ZFYVE9: variants seen among roughly 807,000 people sequenced by gnomAD.
The protein encoded by ZFYVE9 is zinc finger FYVE-type containing 9, also known as zinc finger FYVE domain-containing protein 9.
ZFYVE9 carries 43 observed loss-of-function variants against 126.7 expected under a neutral mutation model. The ratio of observed to expected loss-of-function variants is 0.34; its 90% CI spans 0.27 to 0.44. The LOEUF is 0.44. Ranked by LOEUF, ZFYVE9 falls within the 20% of genes least tolerant of loss-of-function variation. The pLI, the probability that ZFYVE9 is intolerant of heterozygous loss-of-function variation, is 1.00. For synonymous variants in ZFYVE9, 521 were observed against 597.4 expected (o/e 0.87, Z 1.87); for missense variants, 1,476 against 1,697.0 (o/e 0.87, Z 2.29).
In ZFYVE9 at chr1:52,247,275, C is replaced by T. The variant is rs560126268; in HGVS notation, c.2178+7680C>T. ...CACATGTAGCTAGAAAATGTTTGCA[C>T]TAAGTTCATGCTATTTTTTGTTTTT... is the stretch of plus-strand genomic sequence containing the variant. On this transcript the variant is annotated intron_variant, in intron 4 of 18. Transcript: ENST00000287727. Among the ~76,000 whole-genome samples, 5 of 152,250 alleles carry T rather than the reference C, an allele frequency of 3.3e-5. No homozygotes were observed. In the South Asian group the frequency reaches 1.0e-3, roughly 32 times the overall value.
At chr1:52,163,039 C>T (rs1313441907) in intron 1 of ZFYVE9, 1 of 222,648 alleles carries the variant, frequency 4.5e-6, no homozygotes, top group African/African-American at 2.3e-5. Flanking sequence ...CTACTTCACT[C>T]TTGCTTTCTA....
At chr1:52,224,237 C>T (rs761237713) in intron 2 of ZFYVE9, among the ~76,000 whole-genome samples, 9 of 151,172 alleles carry the variant, frequency 6.0e-5, no homozygotes, top group East Asian at 2.0e-4. Flanking sequence ...GGCTGTCCAG[C>T]GGGGATGTGG....
Position 52,237,772 on chromosome 1 carries a change from A to T in ZFYVE9, c.355A>T (p.Asn119Tyr), listed in dbSNP as rs757817512. Residue 119 changes from asparagine to tyrosine, a missense_variant, in exon 4 of 19, where the codon AAC becomes TAC. Transcript: ENST00000287727. ...TGCAGAAGACCAGTTAATTAAGAGAAACTATAGTTGGGATGATCAATGCAG... is the reference window on the plus strand; with the variant it reads ...TGCAGAAGACCAGTTAATTAAGAGATACTATAGTTGGGATGATCAATGCAG... ...AVAEDQLIKRNYSWDDQCSAV... is the reference protein window; with the variant it reads ...AVAEDQLIKRYYSWDDQCSAV... 2 of 1,614,144 alleles carry T rather than the reference A, an allele frequency of 1.2e-6. No homozygotes were observed. The highest frequency in any genetic ancestry group is 2.2e-5 in the East Asian group (1 of 44,886).
chr1:52,238,582 A>G lies in ZFYVE9; in HGVS notation c.1165A>G (p.Met389Val), dbSNP rs1302443066. The G allele has an allele frequency of 3.1e-6, 5 of 1,613,972 alleles. No homozygotes were observed. The highest frequency in any genetic ancestry group is 2.7e-5 in the African/African-American group (2 of 74,918). The change falls in exon 4 of 19, where the codon ATG (methionine) becomes GTG (valine). Residue 389 changes from methionine to valine, a missense_variant. Met to Val is a conservative substitution (Grantham distance 21). Transcript: ENST00000287727. ...TCTTGGCACTACAGAATTCCTTAAT[A>G]TGACAGAGCATTTCTCTGAATCTCA... ...ETLGTTEFLN[M>V]TEHFSESQDM...
intron 13 of ZFYVE9, among the ~76,000 whole-genome samples, chr1:52,329,555 A>G (rs1050168177): frequency 2.6e-5 from 4 of 152,218 alleles, no homozygotes; most frequent in Non-Finnish European, 4.4e-5. Context: ...TGAAAAGACA[A>G]CCTATAAAAT....
chr1:52,248,110 A>G (rs909705016), intron 4 of ZFYVE9, among the ~76,000 whole-genome samples: 3 of 152,178 alleles, frequency 2.0e-5, no homozygotes, highest in Non-Finnish European at 2.9e-5. Context: ...AATTCCCACA[A>G]TAATCTATTG....
chr1:52,289,153 TG>T (rs984703357), intron 10 of ZFYVE9, among the ~76,000 whole-genome samples: 25 of 152,186 alleles, frequency 1.6e-4, no homozygotes, highest in African/African-American at 5.3e-4. Context: ...AAATTAAAGA[TG>T]GAAAATTGTA....
chr1:52,274,340 G>A, intron 7 of ZFYVE9, 124 bp from the exon 8 acceptor site: 4 of 1,193,206 alleles, frequency 3.4e-6, no homozygotes, highest in Non-Finnish European at 4.6e-6. Flanking sequence ...TGAATATTTT[G>A]TGCTACCTTT....
chr1:52,316,165 CAAAAAAAAAAAAA>C (rs367815611), intron 13 of ZFYVE9, among the ~76,000 whole-genome samples: 3 of 39,212 alleles, frequency 7.7e-5, no homozygotes, highest in East Asian at 6.4e-4. Context: ...AACTCCATCT[CAAAAAAAAAAAAA>C]AAAAAAAAAA....
chr1:52,262,014 T>C (rs1645584138), intron 4 of ZFYVE9, among the ~76,000 whole-genome samples: 2 of 152,360 alleles, frequency 1.3e-5, no homozygotes, highest in Admixed American at 1.3e-4. Context: ...TTTTACTTAA[T>C]GTCTTAGTCC....
At chr1:52,177,329 G>C (rs978587398) in intron 1 of ZFYVE9, among the ~76,000 whole-genome samples, 3 of 151,926 alleles carry the variant, frequency 2.0e-5, no homozygotes, top group African/African-American at 7.3e-5. Flanking sequence ...TTGTATTTTT[G>C]AGTAGAAATG....
In ZFYVE9 at chr1:52,216,329, T is replaced by C. The variant is rs2124594909; in HGVS notation, c.-142-40T>C. On this transcript the variant is annotated intron_variant, in intron 1 of 18. Transcript: ENST00000287727. The stretch of plus-strand genomic sequence containing the variant: ...TTATATGAAGAAAATGAGGGCTTAT[T>C]GTTTCAGCAAGTGTAATGAGCAATG... 4 of 398,354 alleles carry C rather than the reference T, an allele frequency of 1.0e-5. No individual in the cohort carries two copies. The South Asian group carries it at 5.1e-4, about 51-fold the overall frequency. 24.7% of individuals were successfully genotyped at this position (398,354 alleles called of 1,614,324 possible).
rs1244283177 is a variant in ZFYVE9 at position 52,255,959 on chromosome 1, TTTTCTTTTCTTTC to T, written c.2179-7806_2179-7794del. 1.3e-3 allele frequency among the ~76,000 whole-genome samples: 119 copies of T among 94,234 alleles called. 5 individuals are homozygous for T. The highest frequency in any genetic ancestry group is 8.4e-3 in the African/African-American group (113 of 13,422). The allele number at this position is 94,234 out of a possible 152,430, so 61.8% of individuals were successfully genotyped here. On this transcript the variant is annotated intron_variant, in intron 4 of 18. Transcript: ENST00000287727. The stretch of plus-strand genomic sequence containing the variant: ...TTTTCTTTTCTTTTCTTTTCTTTTC[TTTTCTTTTCTTTC>T]TTTCTTTCTTTCCTTCCTTCCTTCC...
intron 1 of ZFYVE9, among the ~76,000 whole-genome samples, chr1:52,183,009 TA>T (rs1374219470): frequency 3.9e-5 from 6 of 152,144 alleles, no homozygotes; most frequent in African/African-American, 1.4e-4. Flanking sequence ...TTGATGACCT[TA>T]GGTAGAGCAG....
chr1:52,325,211 A>G (rs970418746), intron 13 of ZFYVE9, among the ~76,000 whole-genome samples: 3 of 152,084 alleles, frequency 2.0e-5, no homozygotes, highest in East Asian at 3.9e-4. Context: ...CCCGGGAGGC[A>G]GAGCTTGCAG....
chr1:52,178,395 G>A (rs1189035217), intron 1 of ZFYVE9, among the ~76,000 whole-genome samples: 1 of 148,130 alleles, frequency 6.8e-6, no homozygotes, highest in African/African-American at 2.5e-5. Flanking sequence ...GCAGTGGCAC[G>A]ATCTTGGCTC....
intron 1 of ZFYVE9, among the ~76,000 whole-genome samples, chr1:52,161,258 C>T (rs922057554): frequency 2.0e-5 from 3 of 152,074 alleles, no homozygotes; most frequent in Non-Finnish European, 2.9e-5. Context: ...AAAGAAATCA[C>T]ACTTTAGTTT....
At chr1:52,257,737 A>G (rs945874752) in intron 4 of ZFYVE9, among the ~76,000 whole-genome samples, 26 of 152,220 alleles carry the variant, frequency 1.7e-4, no homozygotes, top group African/African-American at 6.0e-4. Context: ...GTATTTATGT[A>G]TTTATTTATT....
At chr1:52,330,176 G>A (rs1331040383) in intron 13 of ZFYVE9, among the ~76,000 whole-genome samples, 2 of 152,268 alleles carry the variant, frequency 1.3e-5, no homozygotes, top group African/African-American at 2.4e-5. Flanking sequence ...TCGGGAGTTC[G>A]AGACCAGCCT....
Sources: gnomAD v4.1 joint callset for allele counts (sites outside exome capture counted in the v4.1 genomes callset) on GRCh38, gnomAD v4.1.1 for gene constraint, MANE v1.5 for transcripts, NCBI Gene and HGNC (gene_info 2026-07-23, HGNC 2026-07-21) for gene names.